PPP2R2B: variants seen among roughly 807,000 people sequenced by gnomAD.
The protein encoded by PPP2R2B is protein phosphatase 2 regulatory subunit Bbeta, also known as serine/threonine-protein phosphatase 2A 55 kDa regulatory subunit B beta isoform.
In PPP2R2B, 5 loss-of-function variants were observed where a neutral mutation model predicts 46.0. That is an observed-to-expected ratio of 0.11 (90% CI 0.06 to 0.23). The LOEUF is 0.23. Ranked by LOEUF, PPP2R2B falls within the 10% of genes least tolerant of loss-of-function variation. The probability of loss-of-function intolerance (pLI) is 1.00; values close to 1 mark genes in which losing one functional copy is unlikely to be tolerated. For synonymous variants in PPP2R2B, 215 were observed against 206.7 expected, an observed-to-expected ratio of 1.04 and a Z score of -0.34; for missense variants, 367 against 575.0, an observed-to-expected ratio of 0.64 and a Z score of 3.70.
intron 1 of PPP2R2B, among the ~76,000 whole-genome samples, chr5:146,960,652 A>C (rs577442225): frequency 6.6e-5 from 10 of 152,316 alleles, no homozygotes; most frequent in African/African-American, 1.9e-4. Flanking sequence ...ATGAAAATGG[A>C]CCAAGCAATG....
chr5:146,839,516 C>T (rs1332202799), intron 2 of PPP2R2B, among the ~76,000 whole-genome samples: 5 of 152,098 alleles, frequency 3.3e-5, no homozygotes, highest in Middle Eastern at 3.2e-3. Context: ...GAAATCCCAT[C>T]TCAAAAATAT....
chr5:147,072,576 C>G (rs75399437), intron 2 of PPP2R2B, among the ~76,000 whole-genome samples: 1 of 152,008 alleles, frequency 6.6e-6, no homozygotes, highest in South Asian at 2.1e-4. Context: ...TTTCCTCCAC[C>G]GTAAAATGGG....
At chr5:146,911,882 C>G in intron 1 of PPP2R2B, among the ~76,000 whole-genome samples, 1 of 152,148 alleles carries the variant, frequency 6.6e-6, no homozygotes, top group East Asian at 1.9e-4. Context: ...GTTTTTTCAG[C>G]ACAGTGGAGG....
At chr5:146,736,725 T>A (rs193270104) in intron 2 of PPP2R2B, among the ~76,000 whole-genome samples, 2 of 152,304 alleles carry the variant, frequency 1.3e-5, no homozygotes, top group African/African-American at 4.8e-5. Flanking sequence ...TCCGGTGTAA[T>A]CTGTTAATTA....
intron 1 of PPP2R2B, among the ~76,000 whole-genome samples, chr5:146,908,300 T>C (rs1561510641): frequency 6.6e-6 from 1 of 152,206 alleles, no homozygotes. Flanking sequence ...AAACCAAGTA[T>C]GGTGCAAAAT....
At chr5:146,910,795 A>G (rs1368891848) in intron 1 of PPP2R2B, among the ~76,000 whole-genome samples, 1 of 152,204 alleles carries the variant, frequency 6.6e-6, no homozygotes, top group Non-Finnish European at 1.5e-5. Context: ...TTTAAAAAGA[A>G]TATAGTATAA....
At chr5:146,683,408 C>T (rs189733894) in intron 5 of PPP2R2B, among the ~76,000 whole-genome samples, 1 of 152,310 alleles carries the variant, frequency 6.6e-6, no homozygotes, top group East Asian at 1.9e-4. Flanking sequence ...CCAAGCATTA[C>T]CACTTACTAG....
At chr5:146,693,075 G>A (rs947174830) in intron 4 of PPP2R2B, among the ~76,000 whole-genome samples, 10 of 152,086 alleles carry the variant, frequency 6.6e-5, no homozygotes, top group African/African-American at 2.4e-4. Context: ...GTCCAAGGAC[G>A]GGGATTCCCA....
intron 1 of PPP2R2B, among the ~76,000 whole-genome samples, chr5:146,944,984 A>G (rs1764433782): frequency 1.3e-5 from 2 of 152,182 alleles, no homozygotes; most frequent in South Asian, 4.1e-4. Flanking sequence ...TTTGACAAAT[A>G]TGTTCTAACT....
chr5:146,861,377 G>C (rs116662244), intron 2 of PPP2R2B, among the ~76,000 whole-genome samples: 1,934 of 152,038 alleles, frequency 0.013, 46 homozygotes, highest in African/African-American at 0.045. Context: ...ATTTTTAGTA[G>C]AGGTGGGGTT....
chr5:146,874,182 T>G (rs1331178123), intron 2 of PPP2R2B, among the ~76,000 whole-genome samples: 3 of 152,218 alleles, frequency 2.0e-5, no homozygotes, highest in Non-Finnish European at 4.4e-5. Context: ...ATATATTTAT[T>G]TGCAAAATTA....
At chr5:146,812,787 A>ATG (rs1214546736) in intron 2 of PPP2R2B, among the ~76,000 whole-genome samples, 8 of 23,008 alleles carry the variant, frequency 3.5e-4, no homozygotes, top group African/African-American at 1.5e-3. Context: ...GTGTGTGTAT[A>ATG]TGTGTGTATA....
intron 7 of PPP2R2B, among the ~76,000 whole-genome samples, chr5:146,627,757 T>C (rs1774158049): frequency 6.6e-6 from 1 of 152,124 alleles, no homozygotes; most frequent in Admixed American, 6.5e-5. Flanking sequence ...CCAATCTTCA[T>C]GGGTTGTTGT....
chr5:146,845,983 AG>A, intron 2 of PPP2R2B, among the ~76,000 whole-genome samples: 1 of 152,334 alleles, frequency 6.6e-6, no homozygotes, highest in East Asian at 1.9e-4. Context: ...ATATACACTG[AG>A]TTCTGAAGAC....
At chr5:146,924,107 A>C (rs899985747) in intron 1 of PPP2R2B, among the ~76,000 whole-genome samples, 3 of 152,192 alleles carry the variant, frequency 2.0e-5, no homozygotes, top group Admixed American at 6.5e-5. Context: ...GGATCAGGAA[A>C]AATAACTAAT....
intron 3 of PPP2R2B, among the ~76,000 whole-genome samples, 154 bp from the exon 4 acceptor site, chr5:146,698,298 GA>G (rs779839513): frequency 4.8e-4 from 7 of 14,496 alleles, no homozygotes; most frequent in African/African-American, 1.3e-3. Flanking sequence ...TAGCACCTCT[GA>G]AAAAAAAAAA....
chr5:146,763,089 A>G (rs1754263640), intron 2 of PPP2R2B, among the ~76,000 whole-genome samples: 1 of 152,170 alleles, frequency 6.6e-6, no homozygotes, highest in Admixed American at 6.5e-5. Context: ...AACAAAGTGG[A>G]GAGGAGAGAA....
intron 7 of PPP2R2B, among the ~76,000 whole-genome samples, chr5:146,632,449 A>G (rs1300890019): frequency 6.6e-6 from 1 of 152,216 alleles, no homozygotes; most frequent in East Asian, 1.9e-4. Context: ...GTAAACCAAT[A>G]TGTCTTTTTT....
intron 2 of PPP2R2B, chr5:146,707,347 GTGCACACAGCATGGA>G (rs1163775920): frequency 1.2e-6 from 1 of 865,456 alleles, no homozygotes; most frequent in Non-Finnish European, 2.0e-6. Flanking sequence ...CTTCTCCTGG[GTGCACACAGCATGGA>G]TGTTGGGGTT....
Sources: allele counts gnomAD v4.1 joint callset (sites outside exome capture counted in the v4.1 genomes callset), GRCh38; gene constraint gnomAD v4.1.1; transcripts MANE v1.5; gene names NCBI Gene and HGNC (gene_info 2026-07-23, HGNC 2026-07-21).